PIGG: variants seen among roughly 807,000 people sequenced by gnomAD.
The protein encoded by PIGG is GPI ethanolamine phosphate transferase 2, catalytic subunit.
PIGG carries 70 observed loss-of-function variants against 83.2 expected under a neutral mutation model. That is an observed-to-expected ratio of 0.84 (90% CI 0.69 to 1.03). The LOEUF (loss-of-function observed/expected upper bound fraction) is 1.03, where lower values mean the gene tolerates loss of function less well. PIGG is among the 50% of genes least tolerant of loss of function. The pLI is 0.00. For synonymous variants in PIGG, 532 were observed against 519.5 expected (o/e 1.02, Z -0.33); for missense variants, 1,257 against 1,233.6 (o/e 1.02, Z -0.28).
chr4:537,472 C>T (rs1207162905), intron 12 of PIGG: 1 of 152,290 alleles, frequency 6.6e-6, no homozygotes, highest in South Asian at 2.1e-4. Context: ...CACTTAGCCA[C>T]GAATCTTCCT....
At chr4:533,569 C>A in intron 11 of PIGG, 1 of 535,584 alleles carries the variant, frequency 1.9e-6, no homozygotes, top group Non-Finnish European at 3.4e-6. Flanking sequence ...AGCTTCTGCA[C>A]GGTCCGCTCA....
chr4:518,771 C>A (rs1724782545), intron 6 of PIGG, among the ~76,000 whole-genome samples: 1 of 151,962 alleles, frequency 6.6e-6, no homozygotes, highest in South Asian at 2.1e-4. Flanking sequence ...GCGTCTGGAA[C>A]CCCCCCTGGC....
chr4:527,143 CGCTGGG>C lies in PIGG; in HGVS notation c.2179_2184del (p.Gly727_Leu728del). On this transcript the variant is annotated inframe_deletion, in exon 10 of 13. Transcript: ENST00000453061. The stretch of plus-strand genomic sequence containing the variant: ...TCCCCTGTGTCCAAGGCTGCCCTGG[CGCTGGG>C]GCTGCTGGGCGTCTACTGCTACCGG... 6.2e-7 allele frequency: 1 copy of C among 1,614,070 alleles called. No individual in the cohort carries two copies.
At chr4:523,249 C>T (rs1726548697) in intron 8 of PIGG, among the ~76,000 whole-genome samples, 4 of 152,260 alleles carry the variant, frequency 2.6e-5, no homozygotes, top group Middle Eastern at 6.8e-3. Flanking sequence ...GGGCTGAGGG[C>T]GTCTCCACTC....
rs146375356 is a variant in PIGG, at chr4:505,909, C to T, written c.552C>T (p.Phe184=). The T allele has an allele frequency of 4.2e-5, 68 of 1,611,658 alleles. No individual in the cohort carries two copies. Among genetic ancestry groups the T allele is most frequent in the Admixed American group, 8.4e-5 (5 of 59,778 alleles). ...FVEYDGTTSF[F]VSDYTEVDNN... ...AATATGATGGAACAACCTCATTTTT[C>T]GTGTCAGATTACACAGAGGTCAGTT... Residue 184 remains phenylalanine, a synonymous_variant, in exon 3 of 13, where the codon TTC becomes TTT. Transcript: ENST00000453061.
intron 12 of PIGG, among the ~76,000 whole-genome samples, chr4:537,631 G>A (rs1730996671): frequency 1.3e-5 from 2 of 152,168 alleles, no homozygotes; most frequent in South Asian, 2.1e-4. Context: ...ACCCGCCTAA[G>A]GAGCCAGGGC....
At chr4:524,779 C>G (rs1727118685) in intron 9 of PIGG, 1 of 152,062 alleles carries the variant, frequency 6.6e-6, no homozygotes, top group African/African-American at 2.4e-5. Flanking sequence ...TGTCTCAGCC[C>G]CCTGAGTAGC....
Position 517,367 on chromosome 4 carries a change from G to A in PIGG, c.1114+1182G>A, listed in dbSNP as rs75667679. On this transcript the variant is annotated intron_variant, in intron 6 of 12. Transcript: ENST00000453061. ...AAGACAGGATTTGCTCACGTGCTGC[G>A]ATATTGGGTACGAGCAGACCAGAGG... is the stretch of plus-strand genomic sequence containing the variant. 9.7e-3 allele frequency among the ~76,000 whole-genome samples: 1,473 copies of A among 152,248 alleles called. 11 individuals are homozygous for A. The highest frequency in any genetic ancestry group is 0.038 in the South Asian group (181 of 4,826).
At chr4:524,343 C>T (rs1726968858) in intron 9 of PIGG, among the ~76,000 whole-genome samples, 1 of 152,166 alleles carries the variant, frequency 6.6e-6, no homozygotes, top group Admixed American at 6.5e-5. Flanking sequence ...ACACCTGAGG[C>T]CGGGTCACAT....
Position 526,943 on chromosome 4 carries a change from G to T in PIGG, c.2070-96G>T, listed in dbSNP as rs931079185. 4 of 1,320,398 alleles carry T rather than the reference G, an allele frequency of 3.0e-6. No individual in the cohort carries two copies. The African/African-American group carries it at 6.0e-5, about 20-fold the overall frequency. 81.8% of individuals were successfully genotyped at this position (1,320,398 alleles called of 1,614,324 possible). A position where few individuals can be genotyped will look rare whatever the true frequency, so the allele number is the denominator to read the frequency against. On this transcript the variant is annotated intron_variant, in intron 9 of 12. Transcript: ENST00000453061. The stretch of plus-strand genomic sequence containing the variant: ...TAATCTTTGGTTTTTGGGAAAATCA[G>T]CTATTTTTTAATACCGTTCTTTGAA...
chr4:525,527 A>G (rs894398989), intron 9 of PIGG: 3 of 191,902 alleles, frequency 1.6e-5, no homozygotes, highest in African/African-American at 7.1e-5. Context: ...GTGTGACTTC[A>G]TACCTGCTGA....
chr4:526,467 TCTC>T (rs1727642315), intron 9 of PIGG, among the ~76,000 whole-genome samples: 1 of 152,174 alleles, frequency 6.6e-6, no homozygotes, highest in Admixed American at 6.5e-5. Context: ...CTCTGCACCA[TCTC>T]CTCACCCAGG....
At chr4:524,677 CTT>C (rs368649522) in intron 9 of PIGG, 3 of 147,490 alleles carry the variant, frequency 2.0e-5, no homozygotes, top group Admixed American at 1.4e-4. Context: ...GGTTCAGTGT[CTT>C]TTTTTTTTTT....
chr4:503,845 TACACACACAC>T (rs56841358), intron 2 of PIGG, among the ~76,000 whole-genome samples: 29,810 of 145,670 alleles, frequency 0.2, 3,401 homozygotes, highest in Middle Eastern at 0.3. Flanking sequence ...TGTGATTTTA[TACACACACAC>T]ACACACACAC....
intron 10 of PIGG, among the ~76,000 whole-genome samples, chr4:529,982 A>T (rs533353372): frequency 2.6e-4 from 40 of 152,348 alleles, no homozygotes; most frequent in African/African-American, 9.4e-4. Flanking sequence ...ATGTATGTGT[A>T]CCTGTAAATG....
chr4:501,294 C>T, intron 2 of PIGG: 3 of 370,356 alleles, frequency 8.1e-6, no homozygotes, highest in Non-Finnish European at 1.6e-5. Flanking sequence ...TTTAGATATA[C>T]AGCCACTCAA....
In PIGG at chr4:521,285, CACACAG is replaced by C. The variant is rs1291211938; in HGVS notation, c.1332+13_1332+18del. 6.3e-7 allele frequency: 1 copy of C among 1,581,310 alleles called. No individual in the cohort carries two copies. The highest frequency in any genetic ancestry group is 8.7e-7 in the Non-Finnish European group (1 of 1,150,928). ...TCGTGGTTTTGGAGGTACAGATGCT[CACACAG>C]TCATGGCTCAGGTGTTGCATTGATT... On this transcript the variant is annotated intron_variant, in intron 7 of 12. Coordinates refer to ENST00000453061, the MANE Select transcript of PIGG (RefSeq NM_001127178.3).
intron 2 of PIGG, among the ~76,000 whole-genome samples, 189 bp downstream of exon 2, chr4:500,790 C>T (rs932381277): frequency 2.4e-4 from 37 of 152,140 alleles, no homozygotes; most frequent in Admixed American, 3.9e-4. Flanking sequence ...ATTTGTGCCC[C>T]ATGTCAAGTA....
At chr4:527,289 G>A (rs1428076615) in intron 10 of PIGG, 59 bp downstream of exon 10, 9 of 1,492,846 alleles carry the variant, frequency 6.0e-6, no homozygotes, top group Non-Finnish European at 7.1e-6. Context: ...AGAACTGGCG[G>A]ACACGGGGCG....
Sources: gnomAD v4.1 joint callset for allele counts (sites outside exome capture counted in the v4.1 genomes callset) on GRCh38, gnomAD v4.1.1 for gene constraint, MANE v1.5 for transcripts, NCBI Gene and HGNC (gene_info 2026-07-23, HGNC 2026-07-21) for gene names.